Variants in LINGO2 observed in about 807,000 individuals in gnomAD.
LINGO2 encodes the protein leucine rich repeat and Ig domain containing 2, also known as leucine-rich repeat and immunoglobulin-like domain-containing nogo receptor-interacting protein 2.
Under a neutral mutation model 30.6 loss-of-function variants are expected in LINGO2, and 14 were observed. The ratio of observed to expected loss-of-function variants is 0.46; its 90% CI spans 0.30 to 0.72. The LOEUF (loss-of-function observed/expected upper bound fraction) is 0.72. Among genes scored for constraint, LINGO2 ranks in the 30% least tolerant of loss-of-function variants. The probability of loss-of-function intolerance (pLI) is 0.07; values close to 1 mark genes in which losing one functional copy is unlikely to be tolerated. For synonymous variants in LINGO2, 317 were observed against 288.5 expected (o/e 1.10, Z -1.00); for missense variants, 729 against 751.7 (o/e 0.97, Z 0.35).
the LINGO2 span, among the ~76,000 whole-genome samples, chr9:28,963,142 G>A: frequency 6.6e-6 from 1 of 151,892 alleles, no homozygotes; most frequent in Non-Finnish European, 1.5e-5. Flanking sequence ...TGCATTACAT[G>A]GAGATTCCAC....
the LINGO2 span, among the ~76,000 whole-genome samples, chr9:28,879,051 C>G: frequency 6.6e-6 from 1 of 152,068 alleles, no homozygotes; most frequent in Non-Finnish European, 1.5e-5. Context: ...TCAAATTGTC[C>G]CTGTTTGCAG....
At chr9:28,355,333 GTCTCTC>G (rs372527860) in intron 3 of LINGO2, among the ~76,000 whole-genome samples, 21 of 63,828 alleles carry the variant, frequency 3.3e-4, no homozygotes, top group Admixed American at 5.3e-4. Context: ...CTCTGTCTCT[GTCTCTC>G]TCTCTCTCTC....
At chr9:28,236,108 C>A (rs530480571) in intron 4 of LINGO2, among the ~76,000 whole-genome samples, 11 of 151,994 alleles carry the variant, frequency 7.2e-5, no homozygotes, top group Non-Finnish European at 1.2e-4. Context: ...AAATAACATA[C>A]AATGGCACTC....
the LINGO2 span, among the ~76,000 whole-genome samples, chr9:28,915,473 C>A: frequency 6.6e-6 from 1 of 152,122 alleles, no homozygotes; most frequent in Non-Finnish European, 1.5e-5. Context: ...AGTGACCACA[C>A]CTTGAGAATC....
intron 3 of LINGO2, among the ~76,000 whole-genome samples, chr9:28,357,405 G>T (rs1246312338): frequency 6.8e-6 from 1 of 146,914 alleles, no homozygotes; most frequent in East Asian, 2.2e-4. Flanking sequence ...GACTAATTTG[G>T]AGCAAATATT....
chr9:28,757,272 G>A, the LINGO2 span, among the ~76,000 whole-genome samples: 2 of 151,900 alleles, frequency 1.3e-5, no homozygotes, highest in African/African-American at 2.4e-5. Context: ...GCCTTGATCC[G>A]TCTCAGAGTT....
At chr9:28,209,127 CA>C (rs1453146997) in intron 4 of LINGO2, among the ~76,000 whole-genome samples, 7 of 151,960 alleles carry the variant, frequency 4.6e-5, no homozygotes, top group African/African-American at 1.7e-4. Flanking sequence ...ATTGTGCTGC[CA>C]ATCTTTCATC....
chr9:29,111,927 G>T, the LINGO2 span, among the ~76,000 whole-genome samples: 2 of 149,736 alleles, frequency 1.3e-5, no homozygotes, highest in African/African-American at 2.4e-5. Flanking sequence ...TTATATATGT[G>T]TGTATATATA....
At chr9:28,425,498 T>C (rs1230900054) in intron 2 of LINGO2, among the ~76,000 whole-genome samples, 1 of 152,000 alleles carries the variant, frequency 6.6e-6, no homozygotes, top group Non-Finnish European at 1.5e-5. Flanking sequence ...GGAGGCAGCC[T>C]GGCACTAAAG....
intron 1 of LINGO2, among the ~76,000 whole-genome samples, chr9:28,653,823 T>C (rs1474126789): frequency 1.3e-5 from 2 of 152,076 alleles, no homozygotes; most frequent in Non-Finnish European, 2.9e-5. Flanking sequence ...GACACACCCA[T>C]TTGTTAAAGA....
chr9:28,027,166 A>G (rs1823420159), intron 4 of LINGO2, among the ~76,000 whole-genome samples: 1 of 152,238 alleles, frequency 6.6e-6, no homozygotes, highest in Admixed American at 6.5e-5. Flanking sequence ...TAACCCTAGA[A>G]GCACTTAAAT....
At chr9:28,752,441 T>C in the LINGO2 span, among the ~76,000 whole-genome samples, 16 of 151,978 alleles carry the variant, frequency 1.1e-4, no homozygotes, top group Non-Finnish European at 1.9e-4. Context: ...TGACACATGA[T>C]TGTCCATGCC....
chr9:29,140,041 G>C, the LINGO2 span, among the ~76,000 whole-genome samples: 1 of 152,104 alleles, frequency 6.6e-6, no homozygotes, highest in East Asian at 1.9e-4. Flanking sequence ...CCACAGAAAA[G>C]GTTTGGGAAG....
chr9:28,039,448 A>T (rs1376086601), intron 4 of LINGO2, among the ~76,000 whole-genome samples: 1 of 152,200 alleles, frequency 6.6e-6, no homozygotes, highest in Non-Finnish European at 1.5e-5. Context: ...CAAGAGGGAA[A>T]AAATAAAGCT....
chr9:28,992,204 G>C, the LINGO2 span, among the ~76,000 whole-genome samples: 2 of 151,654 alleles, frequency 1.3e-5, no homozygotes, highest in African/African-American at 4.8e-5. Flanking sequence ...AAAAAAGGCA[G>C]GGGTTGCAAT....
the LINGO2 span, among the ~76,000 whole-genome samples, chr9:28,909,559 G>C: frequency 1.3e-5 from 2 of 152,064 alleles, no homozygotes; most frequent in East Asian, 3.9e-4. Context: ...ACTGACTCTT[G>C]ATTTCAGAAC....
chr9:28,921,605 G>A, the LINGO2 span, among the ~76,000 whole-genome samples: 2 of 152,122 alleles, frequency 1.3e-5, no homozygotes, highest in South Asian at 2.1e-4. Flanking sequence ...AACAGGGAAG[G>A]GAGCACAGCT....
At chr9:28,313,523 G>C (rs1361522635) in intron 3 of LINGO2, among the ~76,000 whole-genome samples, 1 of 152,084 alleles carries the variant, frequency 6.6e-6, no homozygotes, top group Non-Finnish European at 1.5e-5. Flanking sequence ...TCAAATTCTT[G>C]AAGTTCCATG....
chr9:29,024,520 C>T, the LINGO2 span, among the ~76,000 whole-genome samples: 1 of 152,038 alleles, frequency 6.6e-6, no homozygotes, highest in African/African-American at 2.4e-5. Flanking sequence ...GCAGCAGGGT[C>T]AATAATCTTC....
Sources: allele counts gnomAD v4.1 joint callset (sites outside exome capture counted in the v4.1 genomes callset), GRCh38; gene constraint gnomAD v4.1.1; transcripts MANE v1.5; gene names NCBI Gene and HGNC (gene_info 2026-07-23, HGNC 2026-07-21).